The following ADCY2 variants were observed in gnomAD, a reference collection of about 807,000 sequenced individuals.
ADCY2 encodes adenylate cyclase type 2.
A neutral mutation model predicts 125.2 loss-of-function variants in ADCY2; 31 were observed. The observed-to-expected ratio is 0.25, with a 90% CI of 0.19 to 0.33. The LOEUF is 0.33. Ranked by LOEUF, ADCY2 falls within the 10% of genes least tolerant of loss-of-function variation. The pLI is 1.00. For synonymous variants in ADCY2, 512 were observed against 548.4 expected, an observed-to-expected ratio of 0.93 and a Z score of 0.93; for missense variants, 904 against 1,418.2, an observed-to-expected ratio of 0.64 and a Z score of 5.82.
chr5:7,458,159 T>C (rs1295922505), intron 2 of ADCY2, among the ~76,000 whole-genome samples: 1 of 152,204 alleles, frequency 6.6e-6, no homozygotes, highest in Non-Finnish European at 1.5e-5. Context: ...AGGATTCTGC[T>C]GCTGCTTACA....
At chr5:7,632,800 A>T (rs1291356243) in intron 4 of ADCY2, among the ~76,000 whole-genome samples, 1 of 152,192 alleles carries the variant, frequency 6.6e-6, no homozygotes, top group East Asian at 1.9e-4. Flanking sequence ...CATGATGTTT[A>T]TGGATGCTTT....
chr5:7,555,852 G>GCACACACACACA (rs1491359535), intron 3 of ADCY2, among the ~76,000 whole-genome samples: 10 of 127,394 alleles, frequency 7.8e-5, no homozygotes, highest in African/African-American at 2.8e-4. Flanking sequence ...ACACATGTGA[G>GCACACACACACA]CGCACACACA....
chr5:7,815,803 C>T (rs1275059392), intron 22 of ADCY2, among the ~76,000 whole-genome samples: 2 of 152,180 alleles, frequency 1.3e-5, no homozygotes, highest in African/African-American at 4.8e-5. Context: ...GAAATTGTTA[C>T]CCTCCATATT....
intron 22 of ADCY2, among the ~76,000 whole-genome samples, chr5:7,808,868 T>A (rs1346260921): frequency 1.3e-5 from 2 of 152,256 alleles, no homozygotes; most frequent in Non-Finnish European, 2.9e-5. Flanking sequence ...TTAGTTATCA[T>A]TGAATGGCTT....
chr5:7,791,158 C>T (rs2126506834), intron 20 of ADCY2, among the ~76,000 whole-genome samples: 1 of 152,162 alleles, frequency 6.6e-6, no homozygotes, highest in Middle Eastern at 3.4e-3. Context: ...ATGTTGCAGC[C>T]ATCCGTGTGG....
chr5:7,645,149 C>A (rs1172281211), intron 4 of ADCY2, among the ~76,000 whole-genome samples: 1 of 152,100 alleles, frequency 6.6e-6, no homozygotes, highest in African/African-American at 2.4e-5. Flanking sequence ...ACATTACCTG[C>A]CTTAGTCAAG....
intron 2 of ADCY2, among the ~76,000 whole-genome samples, chr5:7,488,670 C>A (rs144190207): frequency 1.3e-5 from 2 of 152,190 alleles, no homozygotes; most frequent in East Asian, 3.9e-4. Context: ...CTGGGGAGCA[C>A]GTTGAAGTGG....
At chr5:7,660,993 A>C (rs1418008536) in intron 4 of ADCY2, among the ~76,000 whole-genome samples, 1 of 152,140 alleles carries the variant, frequency 6.6e-6, no homozygotes, top group Non-Finnish European at 1.5e-5. Flanking sequence ...AACTCAAAAA[A>C]TCTTCACTGC....
At chr5:7,463,680 T>A (rs1187883059) in intron 2 of ADCY2, among the ~76,000 whole-genome samples, 1 of 150,526 alleles carries the variant, frequency 6.6e-6, no homozygotes, top group Non-Finnish European at 1.5e-5. Flanking sequence ...AGCATGTAAA[T>A]GTCTCTATAA....
chr5:7,420,479 C>T (rs945891578), intron 2 of ADCY2, among the ~76,000 whole-genome samples: 2 of 152,092 alleles, frequency 1.3e-5, no homozygotes, highest in South Asian at 2.1e-4. Flanking sequence ...GAAAATGGAG[C>T]GAAAAAGACC....
intron 22 of ADCY2, 102 bp from the exon 23 acceptor site, chr5:7,816,764 G>T (rs1745124861): frequency 4.8e-6 from 4 of 825,906 alleles, no homozygotes; most frequent in Non-Finnish European, 8.3e-6. Context: ...ATTAGAATTT[G>T]CCTGCATTCC....
chr5:7,763,541 A>G (rs1464014997), intron 16 of ADCY2, among the ~76,000 whole-genome samples: 1 of 152,026 alleles, frequency 6.6e-6, no homozygotes, highest in Non-Finnish European at 1.5e-5. Flanking sequence ...CATTTTCCCT[A>G]CAGCAACTGT....
intron 2 of ADCY2, among the ~76,000 whole-genome samples, chr5:7,494,018 G>A (rs1346816295): frequency 2.0e-5 from 3 of 152,128 alleles, no homozygotes; most frequent in Non-Finnish European, 2.9e-5. Context: ...AAGGTCCCCA[G>A]GTCCCTCCTG....
At chr5:7,822,552 CT>C (rs1444054845) in intron 24 of ADCY2, among the ~76,000 whole-genome samples, 1 of 152,222 alleles carries the variant, frequency 6.6e-6, no homozygotes, top group Non-Finnish European at 1.5e-5. Context: ...CAAAATTCTG[CT>C]TCTATTAATA....
intron 5 of ADCY2, among the ~76,000 whole-genome samples, chr5:7,693,421 T>A (rs5025062): frequency 8.3e-6 from 1 of 120,616 alleles, no homozygotes; most frequent in Admixed American, 8.1e-5. Flanking sequence ...TTGTTTTTTT[T>A]TTTTTTTTTT....
intron 3 of ADCY2, among the ~76,000 whole-genome samples, chr5:7,615,372 T>C (rs1051245069): frequency 6.6e-5 from 10 of 152,194 alleles, no homozygotes; most frequent in African/African-American, 2.4e-4. Context: ...AACTGTCACT[T>C]CATGTGACTT....
chr5:7,416,837 G>C (rs769165711), intron 2 of ADCY2, among the ~76,000 whole-genome samples: 9 of 152,166 alleles, frequency 5.9e-5, no homozygotes, highest in Non-Finnish European at 1.3e-4. Flanking sequence ...GCCTGGATCT[G>C]GTGGTCTCTT....
At chr5:7,645,547 G>T (rs1738864818) in intron 4 of ADCY2, among the ~76,000 whole-genome samples, 1 of 152,130 alleles carries the variant, frequency 6.6e-6, no homozygotes, top group South Asian at 2.1e-4. Flanking sequence ...TGGGAAGGAG[G>T]ATGACTGGTT....
intron 2 of ADCY2, among the ~76,000 whole-genome samples, chr5:7,495,922 C>A (rs890475342): frequency 4.6e-5 from 7 of 152,132 alleles, no homozygotes; most frequent in African/African-American, 1.4e-4. Flanking sequence ...AAATAATTTT[C>A]TTTCACGCCT....
Sources: gnomAD v4.1 joint callset for allele counts (sites outside exome capture counted in the v4.1 genomes callset) on GRCh38, gnomAD v4.1.1 for gene constraint, MANE v1.5 for transcripts, NCBI Gene and HGNC (gene_info 2026-07-23, HGNC 2026-07-21) for gene names.